The following LY86 variants were observed in gnomAD, a reference collection of about 807,000 sequenced individuals.
The protein encoded by LY86 is lymphocyte antigen 86.
A neutral mutation model predicts 17.3 loss-of-function variants in LY86; 20 were observed. The observed-to-expected ratio is 1.15, with a 90% CI of 0.81 to 1.68. The LOEUF is 1.68. LY86 is among the 40% of genes most tolerant of loss of function. The pLI, the probability that LY86 is intolerant of heterozygous loss-of-function variation, is 0.00. For synonymous variants in LY86, 74 were observed against 70.6 expected (o/e 1.05, Z -0.24); for missense variants, 200 against 191.9 (o/e 1.04, Z -0.25).
chr6:6,591,908 G>A (rs1277934086), intron 1 of LY86, among the ~76,000 whole-genome samples: 1 of 152,180 alleles, frequency 6.6e-6, no homozygotes, highest in Non-Finnish European at 1.5e-5. Flanking sequence ...AGGGTTCAGG[G>A]AACTGCGGGA....
intron 1 of LY86, among the ~76,000 whole-genome samples, chr6:6,594,589 G>A (rs947689737): frequency 8.5e-5 from 13 of 152,110 alleles, no homozygotes; most frequent in East Asian, 1.9e-4. Flanking sequence ...TAAACTCTTC[G>A]CCAGATCAGA....
At chr6:6,612,178 T>TG (rs1561783097) in intron 1 of LY86, among the ~76,000 whole-genome samples, 1 of 145,636 alleles carries the variant, frequency 6.9e-6, no homozygotes, top group African/African-American at 2.6e-5. Flanking sequence ...GTTCTTGGTC[T>TG]CACTGACTTC....
At chr6:6,647,340 G>T (rs972830472) in intron 3 of LY86, among the ~76,000 whole-genome samples, 4 of 152,122 alleles carry the variant, frequency 2.6e-5, no homozygotes, top group Non-Finnish European at 5.9e-5. Context: ...ATATGGTACA[G>T]TATCTCCCAT....
intron 1 of LY86, among the ~76,000 whole-genome samples, chr6:6,615,965 T>C (rs1032500465): frequency 1.3e-5 from 2 of 152,258 alleles, no homozygotes; most frequent in Admixed American, 6.5e-5. Context: ...TTGGTTTCAT[T>C]TTCTGCAACT....
At chr6:6,601,344 G>A (rs1581232691) in intron 1 of LY86, among the ~76,000 whole-genome samples, 1 of 151,792 alleles carries the variant, frequency 6.6e-6, no homozygotes, top group South Asian at 2.1e-4. Flanking sequence ...AAGATGGAAA[G>A]TGAGGGTCAA....
chr6:6,630,933 T>A (rs1310461094), intron 3 of LY86, among the ~76,000 whole-genome samples: 1 of 152,220 alleles, frequency 6.6e-6, no homozygotes, highest in East Asian at 1.9e-4. Flanking sequence ...GAAATGTTAA[T>A]ATTTGGAATA....
chr6:6,631,230 G>A (rs1392591386), intron 3 of LY86, among the ~76,000 whole-genome samples: 1 of 152,086 alleles, frequency 6.6e-6, no homozygotes, highest in Admixed American at 6.6e-5. Context: ...TCTGTGTTGA[G>A]AATATGGGAG....
intron 1 of LY86, among the ~76,000 whole-genome samples, chr6:6,603,838 AT>A (rs1761004629): frequency 1.3e-5 from 2 of 152,114 alleles, no homozygotes; most frequent in Admixed American, 6.5e-5. Flanking sequence ...CAGTAAAAAA[AT>A]AATAGTAATA....
chr6:6,642,220 C>A (rs1294784289), intron 3 of LY86, among the ~76,000 whole-genome samples: 1 of 152,262 alleles, frequency 6.6e-6, no homozygotes, highest in Non-Finnish European at 1.5e-5. Flanking sequence ...TAGGGCACAG[C>A]TGGATTTCTG....
chr6:6,648,295 C>A (rs190516853), intron 3 of LY86, among the ~76,000 whole-genome samples: 1 of 152,214 alleles, frequency 6.6e-6, no homozygotes, highest in African/African-American at 2.4e-5. Flanking sequence ...TTTGACATGA[C>A]TTTTAACACA....
intron 4 of LY86, among the ~76,000 whole-genome samples, chr6:6,652,520 C>A (rs1040940511): frequency 6.6e-6 from 1 of 152,170 alleles, no homozygotes; most frequent in Non-Finnish European, 1.5e-5. Flanking sequence ...CGGATTGAAG[C>A]CCTACCTGCT....
chr6:6,626,528 G>A (rs190751490), intron 3 of LY86, 107 bp downstream of exon 3: 349 of 1,272,864 alleles, frequency 2.7e-4, no homozygotes, highest in Non-Finnish European at 3.5e-4. Context: ...TCTGCCCCTC[G>A]CCTTTGGACG....
intron 3 of LY86, among the ~76,000 whole-genome samples, chr6:6,636,889 C>G (rs1373836790): frequency 1.0e-5 from 1 of 100,412 alleles, no homozygotes; most frequent in East Asian, 3.0e-4. Flanking sequence ...TACCCTCGAA[C>G]TGCAAAAAAA....
intron 3 of LY86, among the ~76,000 whole-genome samples, chr6:6,647,968 T>TACACACACAC (rs57233850): frequency 1.3e-4 from 19 of 144,796 alleles, no homozygotes; most frequent in East Asian, 2.1e-4. Context: ...AATCATCACA[T>TACACACACAC]ACACACACAC....
intron 2 of LY86, 115 bp downstream of exon 2, chr6:6,625,127 A>C: frequency 1.9e-6 from 1 of 529,922 alleles, no homozygotes. Context: ...TTCCCTCACC[A>C]CTCTCTGGAA....
rs138628997 is a variant in LY86, at chr6:6,602,395, C to T, written c.136+13525C>T. Among the ~76,000 whole-genome samples the T allele has an allele frequency of 9.6e-3, 1,464 of 152,242 alleles. 15 individuals are homozygous for T. The highest frequency in any genetic ancestry group is 0.026 in the South Asian group (124 of 4,816). ...AAAACATGCATTTCCAAAAGACAGC[C>T]GAAGGCAAGAAACCTGGTGTAAATT... On this transcript the variant is annotated intron_variant, in intron 1 of 4. Coordinates refer to ENST00000230568, the MANE Select transcript of LY86 (RefSeq NM_004271.4).
intron 1 of LY86, among the ~76,000 whole-genome samples, chr6:6,600,203 G>GT (rs1760853459): frequency 2.0e-5 from 3 of 151,436 alleles, no homozygotes; most frequent in Admixed American, 1.3e-4. Context: ...CTTGTTTAGG[G>GT]TAAGGGCTGC....
chr6:6,619,034 C>A (rs545769585), intron 1 of LY86, among the ~76,000 whole-genome samples: 2 of 152,098 alleles, frequency 1.3e-5, no homozygotes, highest in Non-Finnish European at 2.9e-5. Flanking sequence ...TCCAGCAATG[C>A]GATTTTACTG....
chr6:6,599,832 A>C (rs1760841662), intron 1 of LY86, among the ~76,000 whole-genome samples: 1 of 145,632 alleles, frequency 6.9e-6, no homozygotes, highest in Non-Finnish European at 1.5e-5. Flanking sequence ...GCCAGCCAGC[A>C]GCAGAGCCCG....
Sources: gnomAD v4.1 joint callset for allele counts (sites outside exome capture counted in the v4.1 genomes callset) on GRCh38, gnomAD v4.1.1 for gene constraint, MANE v1.5 for transcripts, NCBI Gene and HGNC (gene_info 2026-07-23, HGNC 2026-07-21) for gene names.